Variants in RBM25 observed in about 807,000 individuals in gnomAD.
RBM25 encodes the protein RNA binding motif protein 25, also known as RNA-binding protein 25.
A neutral mutation model predicts 120.7 loss-of-function variants in RBM25; 19 were observed. The observed-to-expected ratio is 0.16, with a 90% CI of 0.11 to 0.23. The LOEUF is 0.23. Among genes scored for constraint, RBM25 ranks in the 10% least tolerant of loss-of-function variants. RBM25 has a pLI of 1.00. For missense variants in RBM25, 605 were observed against 1,041.5 expected, an observed-to-expected ratio of 0.58 and a Z score of 5.77; for synonymous variants, 390 against 326.7, an observed-to-expected ratio of 1.19 and a Z score of -2.09.
At chr14:73,083,685 T>C in intron 5 of RBM25, 134 bp downstream of exon 5, 1 of 550,002 alleles carries the variant, frequency 1.8e-6, no homozygotes, top group Non-Finnish European at 2.9e-6. Flanking sequence ...CTCTTTTTTA[T>C]TGAAATAGGG....
chr14:73,111,930 C>A, intron 16 of RBM25, 128 bp downstream of exon 16: 2 of 1,252,582 alleles, frequency 1.6e-6, no homozygotes, highest in Non-Finnish European at 2.2e-6. Context: ...ATCATCTTGA[C>A]ACCAACTCAA....
At position 73,077,438 on chromosome 14, in the gene RBM25, G is replaced by T; in HGVS notation, c.226G>T (p.Ala76Ser). ...GARKDHPGLK[A>S]KENDENCGPT... Reference sequence around the variant, plus strand: ...AAGAAAGGATCATCCAGGCTTAAAGGCTAAAGAAAATGATGAAAATTGTGG... The same window carrying T: ...AAGAAAGGATCATCCAGGCTTAAAGTCTAAAGAAAATGATGAAAATTGTGG... The change falls in exon 4 of 19, where the codon GCT becomes TCT. Residue 76 changes from alanine to serine, a missense_variant. Coordinates refer to ENST00000261973, the MANE Select transcript of RBM25 (RefSeq NM_021239.3). 6.2e-7 allele frequency: 1 copy of T among 1,613,872 alleles called. No homozygotes were observed. The highest frequency in any genetic ancestry group is 8.5e-7 in the Non-Finnish European group (1 of 1,179,816).
At position 73,068,121 on chromosome 14, in the gene RBM25, G is replaced by A. The variant is rs997173093; in HGVS notation, c.-15-3506G>A. On this transcript the variant is annotated intron_variant, in intron 1 of 18. Coordinates refer to ENST00000261973, the MANE Select transcript of RBM25 (RefSeq NM_021239.3). ...CCCAACTTTACCTCGTTCACAGACA[G>A]AACTGGAAGGTTGGTCCTAGATGGC... The A allele has an allele frequency of 3.4e-5, 26 of 754,334 alleles. No homozygotes were observed. The African/African-American group carries it at 4.2e-4, about 12-fold the overall frequency. The allele number at this position is 754,334 out of a possible 1,614,324, so 46.7% of individuals were successfully genotyped here.
At chr14:73,084,880 G>A (rs1895648212) in intron 5 of RBM25, among the ~76,000 whole-genome samples, 1 of 151,192 alleles carries the variant, frequency 6.6e-6, no homozygotes, top group South Asian at 2.1e-4. Context: ...TTTTATTCTA[G>A]CACCTTATAG....
chr14:73,109,938 G>A (rs1214535704), intron 14 of RBM25, among the ~76,000 whole-genome samples: 1 of 151,908 alleles, frequency 6.6e-6, no homozygotes, highest in Non-Finnish European at 1.5e-5. Flanking sequence ...AGGCTGGAGT[G>A]CAGTGGTGTC....
At chr14:73,118,589 T>C (rs114158169) in intron 18 of RBM25, among the ~76,000 whole-genome samples, 3,446 of 152,298 alleles carry the variant, frequency 0.023, 134 homozygotes, top group African/African-American at 0.076. Context: ...CTGTGTTCTT[T>C]ATGAAAAGCG....
chr14:73,073,422 T>C (rs1315410050), intron 2 of RBM25, among the ~76,000 whole-genome samples: 1 of 152,216 alleles, frequency 6.6e-6, no homozygotes, highest in Non-Finnish European at 1.5e-5. Context: ...GCACAGTGGC[T>C]CACGCCTGTA....
At chr14:73,076,906 C>G (rs1285354286) in intron 3 of RBM25, among the ~76,000 whole-genome samples, 1 of 152,150 alleles carries the variant, frequency 6.6e-6, no homozygotes, top group Non-Finnish European at 1.5e-5. Flanking sequence ...ATGGTGAAAC[C>G]CTGTGTCTAC....
Position 73,119,724 on chromosome 14 carries a change from A to T in RBM25, c.2451A>T (p.Glu817Asp). 6.2e-7 allele frequency: 1 copy of T among 1,611,568 alleles called. No individual in the cohort carries two copies. Among genetic ancestry groups the T allele is most frequent in the South Asian group, 1.1e-5 (1 of 90,046 alleles). The change falls in exon 19 of 19, where the codon GAA (glutamate) becomes GAT (aspartate). Residue 817 changes from glutamate to aspartate, a missense_variant. Coordinates refer to ENST00000261973, the MANE Select transcript of RBM25 (RefSeq NM_021239.3). ...TGTTTCCTCTTTAGGTACTTGATGA[A>T]GAAGCAGAAGTTTTTATAGTCAAAA... ...ILDDVAMVLD[E>D]EAEVFIVKMW...
Position 73,069,673 on chromosome 14 carries a change from TG to T in RBM25, c.-15-1953del, listed in dbSNP as rs1389548764. ...GTCCTGAACTCCCAACCTCAGGTCA[TG>T]TGTCCGCCTCGGCCTCCCAAAAGTG... On this transcript the variant is annotated intron_variant, in intron 1 of 18. Coordinates refer to ENST00000261973, the MANE Select transcript of RBM25 (RefSeq NM_021239.3). Among the ~76,000 whole-genome samples the T allele has an allele frequency of 1.1e-4, 15 of 142,470 alleles. No individual in the cohort carries two copies. In the Admixed American group the frequency reaches 1.1e-3, roughly 11 times the overall value. 93.5% of individuals were successfully genotyped at this position (142,470 alleles called of 152,430 possible). A position where few individuals can be genotyped will look rare whatever the true frequency, so the allele number is the denominator to read the frequency against.
At chr14:73,075,890 C>A (rs1895406232) in intron 2 of RBM25, among the ~76,000 whole-genome samples, 1 of 151,704 alleles carries the variant, frequency 6.6e-6, no homozygotes, top group South Asian at 2.1e-4. Context: ...AATCTGTCCT[C>A]CTGCCTGTGC....
intron 5 of RBM25, among the ~76,000 whole-genome samples, chr14:73,087,417 A>T (rs1895712121): frequency 7.1e-6 from 1 of 141,278 alleles, no homozygotes; most frequent in South Asian, 2.2e-4. Context: ...TTTTTTTGAG[A>T]CGGAGTCTCG....
Position 73,102,959 on chromosome 14 carries a change from T to G in RBM25, c.868-233T>G, listed in dbSNP as rs148075877. ...GTGGCCAGCCACACCTGACACAATC[T>G]CCCAGCATCCAAGATTGGAGATTCC... On this transcript the variant is annotated intron_variant, in intron 9 of 18. Transcript: ENST00000261973. 16 of 732,096 alleles carry G rather than the reference T, an allele frequency of 2.2e-5. No individual in the cohort carries two copies. In the East Asian group the frequency reaches 5.2e-4, roughly 24 times the overall value. 45.4% of individuals were successfully genotyped at this position (732,096 alleles called of 1,614,324 possible). A position where few individuals can be genotyped will look rare whatever the true frequency, so the allele number is the denominator to read the frequency against.
Position 73,117,210 on chromosome 14 carries a change from CTTTTTTTTTTTTTTTTTT to C in RBM25, c.2440-2486_2440-2469del, listed in dbSNP as rs71112704. On this transcript the variant is annotated intron_variant, in intron 18 of 18. Coordinates refer to ENST00000261973, the MANE Select transcript of RBM25 (RefSeq NM_021239.3). ...TTTCTTTTAATTTCTTTCTTCTTTT[CTTTTTTTTTTTTTTTTTT>C]TTTTTTTTTTTTTTTTGAGACAGAG... Among the ~76,000 whole-genome samples the C allele has an allele frequency of 1.5e-3, 76 of 49,434 alleles. 3 individuals are homozygous for C. The highest frequency in any genetic ancestry group is 0.037 in the Middle Eastern group (2 of 54). The allele number at this position is 49,434 out of a possible 152,430, so 32.4% of individuals were successfully genotyped here.
At chr14:73,118,060 G>A (rs914968656) in intron 18 of RBM25, among the ~76,000 whole-genome samples, 1 of 152,242 alleles carries the variant, frequency 6.6e-6, no homozygotes, top group African/African-American at 2.4e-5. Flanking sequence ...CAGTAGTCAT[G>A]TGTGCCCCGT....
chr14:73,099,002 T>C (rs1896007387), intron 7 of RBM25, among the ~76,000 whole-genome samples: 1 of 152,242 alleles, frequency 6.6e-6, no homozygotes, highest in African/African-American at 2.4e-5. Flanking sequence ...TCATTCTTCC[T>C]CTTTCTTCAT....
chr14:73,100,227 A>G, intron 9 of RBM25: 3 of 622,818 alleles, frequency 4.8e-6, no homozygotes, highest in Non-Finnish European at 8.9e-6. Flanking sequence ...CAGACTTACC[A>G]AATTTTAGAT....
intron 10 of RBM25, 105 bp downstream of exon 10, chr14:73,103,583 T>C: frequency 6.9e-7 from 1 of 1,449,218 alleles, no homozygotes; most frequent in African/African-American, 1.4e-5. Context: ...TTTGTGTGTG[T>C]GTGAGACATT....
At chr14:73,073,055 C>T (rs1009674191) in intron 2 of RBM25, among the ~76,000 whole-genome samples, 5 of 152,038 alleles carry the variant, frequency 3.3e-5, no homozygotes, top group African/African-American at 4.8e-5. Context: ...GAGCTGGGAC[C>T]ACAGGCTTTT....
Sources: gnomAD v4.1 joint callset for allele counts (sites outside exome capture counted in the v4.1 genomes callset) on GRCh38, gnomAD v4.1.1 for gene constraint, MANE v1.5 for transcripts, NCBI Gene and HGNC (gene_info 2026-07-23, HGNC 2026-07-21) for gene names.